AARS1: variants seen among roughly 807,000 people sequenced by gnomAD.
AARS1 encodes alanine--tRNA ligase, cytoplasmic.
A neutral mutation model predicts 108.9 loss-of-function variants in AARS1; 72 were observed. The observed-to-expected ratio is 0.66, with a 90% CI of 0.55 to 0.80. The LOEUF (loss-of-function observed/expected upper bound fraction) is 0.80, where lower values mean the gene tolerates loss of function less well. Among genes scored for constraint, AARS1 ranks in the 30% least tolerant of loss-of-function variants. The pLI is 0.00. For synonymous variants in AARS1, 489 were observed against 465.7 expected, an observed-to-expected ratio of 1.05 and a Z score of -0.64; for missense variants, 1,193 against 1,233.2, an observed-to-expected ratio of 0.97 and a Z score of 0.49.
In AARS1 at chr16:70,254,036, G is replaced by A. The variant is rs771133578; in HGVS notation, c.2403C>T (p.Ala801=). 1 of 1,613,938 alleles carries A rather than the reference G, an allele frequency of 6.2e-7. No homozygotes were observed. The highest frequency in any genetic ancestry group is 1.7e-5 in the Admixed American group (1 of 60,000). ...VQREIADLGE[A]LATAVIPQWQ... Reference sequence around the variant, plus strand: ...ACTGGGGGATGACTGCAGTGGCCAGGGCCTGGAACCAATAGACGACCATCT... The same window carrying A: ...ACTGGGGGATGACTGCAGTGGCCAGAGCCTGGAACCAATAGACGACCATCT... Residue 801 remains alanine (A), a splice_region_variant and synonymous_variant, in exon 18 of 21, where the codon GCC becomes GCT. Coordinates refer to ENST00000261772, the MANE Select transcript of AARS1 (RefSeq NM_001605.3).
At chr16:70,286,241 G>A (rs1044842103) in intron 1 of AARS1, among the ~76,000 whole-genome samples, 1 of 152,030 alleles carries the variant, frequency 6.6e-6, no homozygotes, top group Non-Finnish European at 1.5e-5. Context: ...TTTATTCACT[G>A]GAGGGCTATA....
rs533709909 is a variant in AARS1 at position 70,286,011 on chromosome 16, T to G, written c.-21-3227A>C. Among the ~76,000 whole-genome samples, 3 of 152,298 alleles carry G rather than the reference T, an allele frequency of 2.0e-5. No homozygotes were observed. The South Asian group carries it at 6.2e-4, about 32-fold the overall frequency. The stretch of plus-strand genomic sequence containing the variant: ...GCATACTATGTGCCAAGAATCAAAA[T>G]GAATGACAGCCTATGTCCTTCCTGA... On this transcript the variant is annotated intron_variant, in intron 1 of 20. Transcript: ENST00000261772.
intron 4 of AARS1, among the ~76,000 whole-genome samples, chr16:70,274,946 G>C (rs1200252235): frequency 1.3e-5 from 2 of 149,094 alleles, no homozygotes; most frequent in South Asian, 2.2e-4. Flanking sequence ...AAAAAAAAAA[G>C]ACTTGTTTTG....
Position 70,264,956 on chromosome 16 carries a change from A to G in AARS1, c.1492+2T>C, listed in dbSNP as rs772272354. 2.5e-6 allele frequency: 4 copies of G among 1,614,096 alleles called. No homozygotes were observed. The highest frequency in any genetic ancestry group is 3.4e-6 in the Non-Finnish European group (4 of 1,180,018). ...AGATGTGGAAGGAGCACAGCAACAT[A>G]CCATAGCTACCACTGGAGTCCAAAT... is the stretch of plus-strand genomic sequence containing the variant. On this transcript the variant is annotated splice_donor_variant, in intron 11 of 20. Coordinates refer to ENST00000261772, the MANE Select transcript of AARS1 (RefSeq NM_001605.3). LOFTEE classifies it high-confidence loss of function.
At chr16:70,279,684 A>AAG (rs1190527916) in intron 2 of AARS1, among the ~76,000 whole-genome samples, 4 of 151,292 alleles carry the variant, frequency 2.6e-5, no homozygotes, top group South Asian at 2.1e-4. Context: ...AAAAAAAAAA[A>AAG]AAAGAAAAGT....
rs371123029 is a variant in AARS1, at chr16:70,259,355, C to T, written c.1786-169G>A. Among the ~76,000 whole-genome samples the T allele has an allele frequency of 9.9e-5, 15 of 152,118 alleles. No individual in the cohort carries two copies. The East Asian group carries it at 1.5e-3, about 16-fold the overall frequency. ...CTAAGTGTGTCCATGTGACTAAGTTCGGGTCAAAAGGTTTTGAACAGAAGT... is the reference window on the plus strand; with the variant it reads ...CTAAGTGTGTCCATGTGACTAAGTTTGGGTCAAAAGGTTTTGAACAGAAGT... On this transcript the variant is annotated intron_variant, in intron 13 of 20. Transcript: ENST00000261772.
At chr16:70,263,783 T>C (rs1217982212) in intron 11 of AARS1, among the ~76,000 whole-genome samples, 1 of 151,672 alleles carries the variant, frequency 6.6e-6, no homozygotes. Context: ...ACTACAGGCA[T>C]GCGCCACCAC....
chr16:70,278,650 G>A (rs894167656), intron 2 of AARS1, among the ~76,000 whole-genome samples: 11 of 151,870 alleles, frequency 7.2e-5, no homozygotes, highest in African/African-American at 2.2e-4. Flanking sequence ...CACGACTGAC[G>A]GCTGCCATGT....
At chr16:70,267,885 T>A in intron 8 of AARS1, 76 bp from the exon 9 acceptor site, 1 of 1,600,624 alleles carries the variant, frequency 6.2e-7, no homozygotes, top group Non-Finnish European at 8.5e-7. Context: ...AAAAGCTCCT[T>A]AGCTGGGTGC....
intron 4 of AARS1, among the ~76,000 whole-genome samples, chr16:70,275,431 C>T (rs899794559): frequency 1.1e-4 from 16 of 151,210 alleles, no homozygotes; most frequent in African/African-American, 1.5e-4. Flanking sequence ...CTGGCTAACA[C>T]GGTGAAACCC....
chr16:70,286,863 C>T (rs1024936610), intron 1 of AARS1, among the ~76,000 whole-genome samples: 3 of 151,692 alleles, frequency 2.0e-5, no homozygotes, highest in Non-Finnish European at 2.9e-5. Context: ...CGCCTGTAAT[C>T]CCAGCACTTT....
chr16:70,282,696 T>G lies in AARS1; in HGVS notation c.68A>C (p.His23Pro). 1 of 1,614,158 alleles carries G rather than the reference T, an allele frequency of 6.2e-7. No homozygotes were observed. Among genetic ancestry groups the G allele is most frequent in the Non-Finnish European group, 8.5e-7 (1 of 1,180,016 alleles). The change falls in exon 2 of 21, where the codon CAT becomes CCT. Residue 23 changes from histidine (H) to proline (P), a missense_variant. Physicochemically the swap from His to Pro is moderately conservative, Grantham distance 77 (BLOSUM62 -2). Transcript: ENST00000261772. ...RFIDFFKRNE[H>P]TYVHSSATIP... ...GGTGGCAGACGAGTGAACATACGTA[T>G]GCTCGTTCCTCTTGAAGAAATCTAT... is the stretch of plus-strand genomic sequence containing the variant.
chr16:70,254,159 A>G (rs771519250), intron 17 of AARS1, 121 bp from the exon 18 acceptor site: 1 of 1,364,868 alleles, frequency 7.3e-7, no homozygotes, highest in Admixed American at 1.7e-5. Context: ...AAGCAAGGAA[A>G]GCTTTGAGAC....
intron 7 of AARS1, among the ~76,000 whole-genome samples, chr16:70,268,584 C>T (rs1421268025): frequency 2.0e-5 from 3 of 152,146 alleles, no homozygotes; most frequent in East Asian, 1.9e-4. Flanking sequence ...CTAGGGTAAA[C>T]GCTGGTTTGT....
chr16:70,287,549 G>A (rs1396250458), intron 1 of AARS1, among the ~76,000 whole-genome samples: 1 of 151,360 alleles, frequency 6.6e-6, no homozygotes, highest in Non-Finnish European at 1.5e-5. Flanking sequence ...ACCAGCCTGG[G>A]CAACATGGGA....
intron 1 of AARS1, among the ~76,000 whole-genome samples, chr16:70,285,629 AAT>A (rs1960822445): frequency 6.6e-6 from 1 of 151,986 alleles, no homozygotes; most frequent in East Asian, 1.9e-4. Flanking sequence ...TTGTATTTTT[AAT>A]AGAGACAGGG....
chr16:70,260,763 C>T lies in AARS1; in HGVS notation c.1785+281G>A, dbSNP rs974894691. On this transcript the variant is annotated intron_variant, in intron 13 of 20. Coordinates refer to ENST00000261772, the MANE Select transcript of AARS1 (RefSeq NM_001605.3). The stretch of plus-strand genomic sequence containing the variant: ...CTGCAAGCTCCCCCTCCCGGGTTCA[C>T]GCCATTCTCCTGCCTCAGCCTCCCG... Among the ~76,000 whole-genome samples the T allele has an allele frequency of 5.9e-5, 9 of 151,960 alleles. 1 individual carries two copies. Among genetic ancestry groups the T allele is most frequent in the Non-Finnish European group, 8.8e-5 (6 of 67,984 alleles).
chr16:70,274,212 G>A (rs1338084061), intron 4 of AARS1, among the ~76,000 whole-genome samples: 4 of 149,508 alleles, frequency 2.7e-5, no homozygotes, highest in Non-Finnish European at 4.4e-5. Flanking sequence ...GTGGTGGCAC[G>A]TGCCTGTAAT....
At chr16:70,266,981 C>G (rs936574558) in intron 9 of AARS1, among the ~76,000 whole-genome samples, 1 of 152,072 alleles carries the variant, frequency 6.6e-6, no homozygotes, top group Non-Finnish European at 1.5e-5. Context: ...GGATTACAGG[C>G]GCATGCCACC....
Sources: gnomAD v4.1 joint callset for allele counts (sites outside exome capture counted in the v4.1 genomes callset) on GRCh38, gnomAD v4.1.1 for gene constraint, MANE v1.5 for transcripts, NCBI Gene and HGNC (gene_info 2026-07-23, HGNC 2026-07-21) for gene names.